The following DGKI variants were observed in gnomAD, a reference collection of about 807,000 sequenced individuals.
DGKI encodes diacylglycerol kinase iota, also known as DAG kinase iota.
DGKI carries 55 observed loss-of-function variants against 147.5 expected under a neutral mutation model. That is an observed-to-expected ratio of 0.37 (90% CI 0.30 to 0.47). The LOEUF is 0.47. DGKI is among the 20% of genes least tolerant of loss of function. The probability of loss-of-function intolerance (pLI) is 1.00; values close to 1 mark genes in which losing one functional copy is unlikely to be tolerated. For missense variants in DGKI, 1,007 were observed against 1,323.8 expected, an observed-to-expected ratio of 0.76 and a Z score of 3.71; for synonymous variants, 469 against 477.1, an observed-to-expected ratio of 0.98 and a Z score of 0.22.
chr7:137,812,912 C>T (rs1044655712), intron 1 of DGKI, among the ~76,000 whole-genome samples: 1 of 152,128 alleles, frequency 6.6e-6, no homozygotes, highest in Non-Finnish European at 1.5e-5. Flanking sequence ...GAAGACTGAA[C>T]CTCTCAAATC....
intron 1 of DGKI, among the ~76,000 whole-genome samples, chr7:137,784,098 G>A (rs964246201): frequency 2.0e-5 from 3 of 152,160 alleles, no homozygotes; most frequent in Non-Finnish European, 4.4e-5. Context: ...ATAGCATGAT[G>A]AATAGAATAG....
chr7:137,607,296 G>T (rs940202923), intron 10 of DGKI, among the ~76,000 whole-genome samples: 1 of 152,142 alleles, frequency 6.6e-6, no homozygotes, highest in Non-Finnish European at 1.5e-5. Context: ...TGCAGTTAAT[G>T]TTGCTTAAAT....
chr7:137,557,055 T>C (rs766889698), intron 19 of DGKI, among the ~76,000 whole-genome samples: 31 of 152,126 alleles, frequency 2.0e-4, no homozygotes, highest in Non-Finnish European at 4.1e-4. Context: ...AGCTTAAACA[T>C]CAACTGCTCC....
intron 17 of DGKI, among the ~76,000 whole-genome samples, chr7:137,576,905 C>T (rs1349199385): frequency 6.6e-6 from 1 of 152,206 alleles, no homozygotes; most frequent in Non-Finnish European, 1.5e-5. Context: ...AGAGTTATCA[C>T]TTCTCCCTTT....
At chr7:137,708,813 G>A (rs1405139628) in intron 1 of DGKI, among the ~76,000 whole-genome samples, 3 of 152,200 alleles carry the variant, frequency 2.0e-5, no homozygotes, top group African/African-American at 7.2e-5. Flanking sequence ...TGGGAATGAT[G>A]TTGATAGGGA....
At chr7:137,804,574 A>C (rs1245343784) in intron 1 of DGKI, among the ~76,000 whole-genome samples, 1 of 152,214 alleles carries the variant, frequency 6.6e-6, no homozygotes, top group Non-Finnish European at 1.5e-5. Flanking sequence ...AAAAATAAAA[A>C]GATGTAAACG....
intron 21 of DGKI, among the ~76,000 whole-genome samples, chr7:137,517,291 G>GAAAAGAA (rs1563063851): frequency 6.6e-5 from 6 of 91,450 alleles, no homozygotes; most frequent in African/African-American, 2.8e-4. Flanking sequence ...AAGAAAGAAA[G>GAAAAGAA]AAAGAAAGAA....
intron 32 of DGKI, among the ~76,000 whole-genome samples, chr7:137,395,034 GAAT>G (rs1338390579): frequency 6.6e-6 from 1 of 152,088 alleles, no homozygotes; most frequent in Non-Finnish European, 1.5e-5. Context: ...AACTTTTAGA[GAAT>G]AATATTAGAA....
At chr7:137,580,034 A>G (rs562052936) in intron 15 of DGKI, among the ~76,000 whole-genome samples, 1 of 152,122 alleles carries the variant, frequency 6.6e-6, no homozygotes, top group Non-Finnish European at 1.5e-5. Flanking sequence ...TAGTTCAAGG[A>G]AGTGAATCAT....
intron 20 of DGKI, among the ~76,000 whole-genome samples, chr7:137,548,148 C>T (rs834058): frequency 0.11 from 16,612 of 152,194 alleles, 2,041 homozygotes; most frequent in African/African-American, 0.3. Flanking sequence ...AGAAAATAGT[C>T]AGAAGCATAT....
At chr7:137,827,619 C>T (rs1798098195) in intron 1 of DGKI, among the ~76,000 whole-genome samples, 1 of 152,180 alleles carries the variant, frequency 6.6e-6, no homozygotes, top group African/African-American at 2.4e-5. Flanking sequence ...TTCCTATCAC[C>T]CAGATCCAGA....
chr7:137,837,030 G>T (rs536570588), intron 1 of DGKI, among the ~76,000 whole-genome samples: 1 of 152,308 alleles, frequency 6.6e-6, no homozygotes, highest in South Asian at 2.1e-4. Flanking sequence ...AAGAAAAGCT[G>T]CAATAGGGAA....
At chr7:137,766,905 T>C (rs1367720774) in intron 1 of DGKI, among the ~76,000 whole-genome samples, 1 of 152,178 alleles carries the variant, frequency 6.6e-6, no homozygotes, top group Non-Finnish European at 1.5e-5. Context: ...GGTTCTATTA[T>C]GGAGATTCTG....
chr7:137,399,385 A>G (rs771876910), intron 30 of DGKI, among the ~76,000 whole-genome samples: 3 of 152,170 alleles, frequency 2.0e-5, no homozygotes, highest in Non-Finnish European at 4.4e-5. Context: ...TGGTCCTGTG[A>G]TTCTATGAAA....
chr7:137,601,692 C>T (rs765704174), intron 10 of DGKI, among the ~76,000 whole-genome samples: 7 of 152,162 alleles, frequency 4.6e-5, no homozygotes, highest in African/African-American at 7.2e-5. Context: ...CAAAACAGAC[C>T]TTTGTTACCG....
At chr7:137,510,609 A>G (rs544110459) in intron 21 of DGKI, among the ~76,000 whole-genome samples, 30 of 152,220 alleles carry the variant, frequency 2.0e-4, no homozygotes, top group Non-Finnish European at 3.4e-4. Context: ...CTAAAACTTC[A>G]ATACTTGAAA....
chr7:137,395,069 A>T (rs1157375427), intron 32 of DGKI, among the ~76,000 whole-genome samples: 2 of 152,226 alleles, frequency 1.3e-5, no homozygotes, highest in Non-Finnish European at 2.9e-5. Context: ...AGAATTTTTT[A>T]AAAATGAAGA....
At chr7:137,829,159 A>G (rs1279002960) in intron 1 of DGKI, among the ~76,000 whole-genome samples, 1 of 152,260 alleles carries the variant, frequency 6.6e-6, no homozygotes, top group African/African-American at 2.4e-5. Flanking sequence ...TGTCTGGCAA[A>G]GCAGAGGAAG....
rs1418403403 is a variant in DGKI, at chr7:137,804,520, T to C, written c.401+41942A>G. 1.3e-5 allele frequency among the ~76,000 whole-genome samples: 2 copies of C among 152,170 alleles called. 1 individual carries two copies. The highest frequency in any genetic ancestry group is 2.9e-5 in the Non-Finnish European group (2 of 68,026). On this transcript the variant is annotated intron_variant, in intron 1 of 32. Coordinates refer to ENST00000614521, the MANE Select transcript of DGKI (RefSeq NM_001321708.2). ...ATACAACTAGACCAGCTATTAAAAATTATCTGTAAGAACAAAGGCAAGGCA... is the reference window on the plus strand; with the variant it reads ...ATACAACTAGACCAGCTATTAAAAACTATCTGTAAGAACAAAGGCAAGGCA...
Sources: gnomAD v4.1 joint callset for allele counts (sites outside exome capture counted in the v4.1 genomes callset) on GRCh38, gnomAD v4.1.1 for gene constraint, MANE v1.5 for transcripts, NCBI Gene and HGNC (gene_info 2026-07-23, HGNC 2026-07-21) for gene names.